MAP4: variants seen among roughly 807,000 people sequenced by gnomAD.
MAP4 encodes microtubule-associated protein 4.
MAP4 carries 76 observed loss-of-function variants against 170.2 expected under a neutral mutation model. The ratio of observed to expected loss-of-function variants is 0.45; its 90% CI spans 0.37 to 0.54. The LOEUF is 0.54. Among genes scored for constraint, MAP4 ranks in the 20% least tolerant of loss-of-function variants. The pLI is 0.00. For synonymous variants in MAP4, 909 were observed against 994.5 expected (o/e 0.91, Z 1.62); for missense variants, 2,506 against 2,748.0 (o/e 0.91, Z 1.97).
intron 12 of MAP4, among the ~76,000 whole-genome samples, chr3:47,873,339 G>A (rs6442087): frequency 0.096 from 14,685 of 152,234 alleles, 2,382 homozygotes; most frequent in African/African-American, 0.33. Context: ...TACGGGGATA[G>A]GGGATGAAGA....
chr3:48,039,313 A>G (rs2100120420), intron 1 of MAP4: 1 of 152,732 alleles, frequency 6.5e-6, no homozygotes, highest in Admixed American at 6.5e-5. Flanking sequence ...AAGAGCAAGC[A>G]CAAGAAGTGC....
rs974020891 is a variant in MAP4, at chr3:47,857,379, T to C, written c.6583+52A>G. The C allele has an allele frequency of 1.1e-5, 16 of 1,478,550 alleles. No individual in the cohort carries two copies. In the Admixed American group the frequency reaches 1.7e-4, roughly 16 times the overall value. The allele number at this position is 1,478,550 out of a possible 1,614,324, so 91.6% of individuals were successfully genotyped here. A position where few individuals can be genotyped will look rare whatever the true frequency, so the allele number is the denominator to read the frequency against. ...GCCAGCTGGCTGCCCAGCTGACCCA[T>C]GGCAGGACGACATACCCTGGAGACC... On this transcript the variant is annotated intron_variant, in intron 18 of 20. Coordinates refer to ENST00000683076, the MANE Select transcript of MAP4 (RefSeq NM_001385682.1).
chr3:47,959,684 G>A (rs1559607442), intron 3 of MAP4, among the ~76,000 whole-genome samples: 3 of 151,278 alleles, frequency 2.0e-5, no homozygotes, highest in South Asian at 2.1e-4. Flanking sequence ...GCGTGAACCC[G>A]GGAGGTGGAG....
At position 48,029,606 on chromosome 3, in the gene MAP4, C is replaced by T. The variant is rs148112368; in HGVS notation, c.-19-30727G>A. 1.2e-4 allele frequency among the ~76,000 whole-genome samples: 18 copies of T among 152,194 alleles called. 1 individual carries two copies. The highest frequency in any genetic ancestry group is 4.1e-4 in the African/African-American group (17 of 41,528). ...CTGATTCCTAAGGTAGTAATCTGAA[C>T]GGTTTAAAATTCCATACATGTAGCT... On this transcript the variant is annotated intron_variant, in intron 1 of 18. Transcript: ENST00000360240.
At chr3:47,914,480 G>A (rs1439501905) in intron 8 of MAP4, among the ~76,000 whole-genome samples, 3 of 151,504 alleles carry the variant, frequency 2.0e-5, no homozygotes, top group African/African-American at 4.9e-5. Flanking sequence ...AACCCAGTAG[G>A]TGGAGGATGC....
intron 5 of MAP4, among the ~76,000 whole-genome samples, chr3:47,920,929 G>A (rs1451289861): frequency 2.0e-5 from 3 of 152,146 alleles, no homozygotes; most frequent in Admixed American, 6.5e-5. Flanking sequence ...AGGCTGAAGC[G>A]GGTGGATCAC....
chr3:47,909,376 A>C lies in MAP4; in HGVS notation c.5045T>G (p.Leu1682Trp). 6.2e-7 allele frequency: 1 copy of C among 1,613,940 alleles called. No homozygotes were observed. The highest frequency in any genetic ancestry group is 2.2e-5 in the East Asian group (1 of 44,884). Residue 1682 changes from leucine to tryptophan, a missense_variant, in exon 9 of 21, where the codon TTG (leucine) becomes TGG (tryptophan). Physicochemically the swap from Leu to Trp is moderately conservative, Grantham distance 61. This residue lies in a region of MAP4 where 2,008 missense variants were observed against 2,206.0 expected (regional missense o/e 0.91). Transcript: ENST00000683076. ...TGGTGTTGGCAAGGAAACGCTTTCCAATTCCGTGATTTTACAAGCCAGACT... is the reference window on the plus strand; with the variant it reads ...TGGTGTTGGCAAGGAAACGCTTTCCCATTCCGTGATTTTACAAGCCAGACT... ...EISLACKITE[L>W]ESVSLPTPEI...
chr3:47,866,346 CAAAA>C (rs758332807), intron 17 of MAP4, among the ~76,000 whole-genome samples: 1 of 145,072 alleles, frequency 6.9e-6, no homozygotes, highest in Admixed American at 6.9e-5. Flanking sequence ...AAAACAAAAA[CAAAA>C]CAAACAAACA....
intron 1 of MAP4, 126 bp from the exon 2 acceptor site, chr3:47,999,005 G>A: frequency 1.6e-6 from 1 of 641,122 alleles, no homozygotes; most frequent in African/African-American, 1.8e-5. Flanking sequence ...AGCTAGAAGA[G>A]GCTCCCTCAT....
chr3:47,853,391 CGAG>C (rs67063081), intron 19 of MAP4, 39 bp from the exon 20 acceptor site: 296,959 of 1,410,304 alleles, frequency 0.21, 34,059 homozygotes, highest in South Asian at 0.25. Context: ...CAGGGTCAGT[CGAG>C]GGGGGGAGTG....
intron 3 of MAP4, chr3:47,973,167 A>G (rs2100079797): frequency 2.0e-6 from 2 of 984,180 alleles, no homozygotes; most frequent in Non-Finnish European, 2.4e-6. Context: ...GTTGAAGTCC[A>G]AAGTCACAAA....
Position 48,057,605 on chromosome 3 carries a change from A to G in MAP4, c.-20+31168T>C, listed in dbSNP as rs1466376692. ...TGTGAGAAACACCCAAGAATTATCA[A>G]TAAAAAAATAAATAAATAAATAAAT... On this transcript the variant is annotated intron_variant, in intron 1 of 18. Coordinates refer to the MAP4 transcript ENST00000360240. Among the ~76,000 whole-genome samples, 6 of 114,860 alleles carry G rather than the reference A, an allele frequency of 5.2e-5. No individual in the cohort carries two copies. The East Asian group carries it at 1.4e-3, about 26-fold the overall frequency. The allele number at this position is 114,860 out of a possible 152,430, so 75.4% of individuals were successfully genotyped here. A position where few individuals can be genotyped will look rare whatever the true frequency, so the allele number is the denominator to read the frequency against.
chr3:47,885,446 TGA>T (rs2097420958), intron 10 of MAP4, among the ~76,000 whole-genome samples: 1 of 152,202 alleles, frequency 6.6e-6, no homozygotes, highest in South Asian at 2.1e-4. Flanking sequence ...CCTCAAGTCC[TGA>T]GATCCCTACC....
intron 2 of MAP4, among the ~76,000 whole-genome samples, chr3:47,980,281 A>C (rs990489426): frequency 5.3e-5 from 8 of 152,174 alleles, no homozygotes; most frequent in Non-Finnish European, 1.0e-4. Flanking sequence ...GGGGATGTAC[A>C]ACTTTTTCTG....
intron 1 of MAP4, among the ~76,000 whole-genome samples, chr3:48,060,722 T>A (rs1462298596): frequency 6.6e-6 from 1 of 150,856 alleles, no homozygotes. Context: ...AAGACCAGCC[T>A]GGGCAACGTG....
rs1489563025 is a variant in MAP4 at position 47,917,052 on chromosome 3, C to A, written c.775G>T (p.Ala259Ser). ...GCTAGTGCCATGTCCTTGGCGAGGGCCATCTCTGTTTCTTTAGATGGTGCC... is the reference window on the plus strand; with the variant it reads ...GCTAGTGCCATGTCCTTGGCGAGGGACATCTCTGTTTCTTTAGATGGTGCC... Reference protein sequence around the residue: ...DMAPSKETEMALAKDMALATK... With the variant: ...DMAPSKETEMSLAKDMALATK... Residue 259 changes from alanine to serine, a missense_variant, in exon 7 of 21, where the codon GCC becomes TCC. Around this residue, in one of 3 missense-constraint regions of MAP4, gnomAD observed 2,008 missense variants for 2,206.0 expected, o/e 0.91. Coordinates refer to ENST00000683076, the MANE Select transcript of MAP4 (RefSeq NM_001385682.1). 3 of 1,614,212 alleles carry A rather than the reference C, an allele frequency of 1.9e-6. No homozygotes were observed. Among genetic ancestry groups the A allele is most frequent in the Non-Finnish European group, 1.7e-6 (2 of 1,180,058 alleles).
intron 1 of MAP4, among the ~76,000 whole-genome samples, chr3:48,080,351 T>C (rs2100146003): frequency 6.6e-6 from 1 of 152,252 alleles, no homozygotes; most frequent in Admixed American, 6.5e-5. Flanking sequence ...AAATCTCTTC[T>C]ATGATTCTAC....
chr3:48,050,245 C>A (rs1238430371), intron 1 of MAP4, among the ~76,000 whole-genome samples: 1 of 135,838 alleles, frequency 7.4e-6, no homozygotes, highest in Admixed American at 7.8e-5. Context: ...GGCAAAAGAG[C>A]GAGACTCCAT....
intron 2 of MAP4, among the ~76,000 whole-genome samples, chr3:47,979,800 G>A (rs1264035186): frequency 6.6e-6 from 1 of 151,814 alleles, no homozygotes; most frequent in African/African-American, 2.4e-5. Flanking sequence ...TCCAACTTGA[G>A]TCTTTTCCAA....
Sources: allele counts gnomAD v4.1 joint callset (sites outside exome capture counted in the v4.1 genomes callset), GRCh38; gene constraint gnomAD v4.1.1; regional missense constraint gnomAD v4.1.1; transcripts MANE v1.5; gene names NCBI Gene and HGNC (gene_info 2026-07-23, HGNC 2026-07-21).